The following SAMMSON variants were observed in gnomAD, a reference collection of about 807,000 sequenced individuals.
SAMMSON encodes survival associated mitochondrial melanoma specific oncogenic non-coding RNA.
chr3:70,151,853 G>T (rs963789248), intron 4 of SAMMSON, among the ~76,000 whole-genome samples: 1 of 151,712 alleles, frequency 6.6e-6, no homozygotes, highest in Non-Finnish European at 1.5e-5. Flanking sequence ...TAAGTGAATT[G>T]TTTCTCAATC....
intron 8 of SAMMSON, among the ~76,000 whole-genome samples, chr3:70,356,092 T>A (rs114962648): frequency 5.4e-4 from 83 of 152,310 alleles, no homozygotes; most frequent in African/African-American, 1.9e-3. Context: ...AACACTTGAT[T>A]ACTGATCTAA....
At chr3:70,404,805 A>C (rs1241097156) in intron 2 of SAMMSON, among the ~76,000 whole-genome samples, 1 of 152,178 alleles carries the variant, frequency 6.6e-6, no homozygotes, top group Non-Finnish European at 1.5e-5. Flanking sequence ...ACTGCAAAGC[A>C]CAACAATCTC....
chr3:70,084,106 C>T (rs1168710830), intron 4 of SAMMSON, among the ~76,000 whole-genome samples: 1 of 152,182 alleles, frequency 6.6e-6, no homozygotes, highest in East Asian at 1.9e-4. Flanking sequence ...ACTCTTCCAC[C>T]TTGACACTTT....
At chr3:70,058,267 A>G (rs144631757) in intron 3 of SAMMSON, among the ~76,000 whole-genome samples, 52 of 152,096 alleles carry the variant, frequency 3.4e-4, no homozygotes, top group African/African-American at 1.2e-3. Context: ...GCCATCATGA[A>G]TTAGAATGGG....
intron 4 of SAMMSON, among the ~76,000 whole-genome samples, chr3:70,181,418 G>A (rs974662402): frequency 1.3e-5 from 2 of 152,196 alleles, no homozygotes; most frequent in Non-Finnish European, 2.9e-5. Context: ...CTTTTGGAGA[G>A]GGATGTGGCC....
chr3:70,270,243 C>A (rs1701963901), intron 6 of SAMMSON, among the ~76,000 whole-genome samples: 2 of 152,140 alleles, frequency 1.3e-5, no homozygotes, highest in South Asian at 4.1e-4. Flanking sequence ...CAAATGAGTT[C>A]TTTCAAGTTT....
intron 2 of SAMMSON, among the ~76,000 whole-genome samples, chr3:70,397,701 A>G (rs1559580611): frequency 2.0e-5 from 3 of 152,142 alleles, no homozygotes; most frequent in African/African-American, 7.2e-5. Context: ...AAGTAAAATT[A>G]CTAGATCAAA....
intron 4 of SAMMSON, among the ~76,000 whole-genome samples, chr3:70,189,595 G>A (rs1415715014): frequency 2.0e-5 from 3 of 152,140 alleles, no homozygotes; most frequent in Non-Finnish European, 2.9e-5. Flanking sequence ...ATTGTAAATA[G>A]CAAGAGGCAG....
chr3:70,013,061 T>A (rs1480177942), intron 2 of SAMMSON, among the ~76,000 whole-genome samples: 1 of 152,168 alleles, frequency 6.6e-6, no homozygotes, highest in Non-Finnish European at 1.5e-5. Context: ...TTAATTTTGG[T>A]TTTCCTATTT....
chr3:70,123,507 C>A (rs995470497), intron 4 of SAMMSON, among the ~76,000 whole-genome samples: 2 of 152,178 alleles, frequency 1.3e-5, no homozygotes, highest in East Asian at 3.9e-4. Flanking sequence ...TGAGCTGAAG[C>A]GATCCACTTG....
chr3:70,126,202 G>T, intron 4 of SAMMSON: 3 of 1,080,792 alleles, frequency 2.8e-6, no homozygotes, highest in Non-Finnish European at 4.1e-6. Flanking sequence ...ATTTTCTACT[G>T]TTAAATAACC....
intron 1 of SAMMSON, among the ~76,000 whole-genome samples, chr3:70,011,004 A>G (rs1203300526): frequency 1.3e-5 from 2 of 152,096 alleles, no homozygotes; most frequent in Non-Finnish European, 2.9e-5. Flanking sequence ...ACCTTGACTC[A>G]TGGGGATTGT....
At position 70,356,202 on chromosome 3, in the gene SAMMSON, A is replaced by T. The variant is rs2106737403; in HGVS notation, n.842+1925A>T. On this transcript the variant is annotated intron_variant and non_coding_transcript_variant, in intron 8 of 9. Transcript: ENST00000642114. ...CCTTCATTAACTTTTTTACAAAATCATTGGCTTTTTATAGATTATAAAATA... is the reference window on the plus strand; with the variant it reads ...CCTTCATTAACTTTTTTACAAAATCTTTGGCTTTTTATAGATTATAAAATA... Among the ~76,000 whole-genome samples the T allele has an allele frequency of 2.0e-5, 3 of 152,272 alleles. 1 individual carries two copies. In the Middle Eastern group the frequency reaches 0.01, roughly 518 times the overall value.
At chr3:70,378,642 T>A (rs1262232881) in intron 9 of SAMMSON, among the ~76,000 whole-genome samples, 5 of 152,118 alleles carry the variant, frequency 3.3e-5, no homozygotes, top group Non-Finnish European at 7.4e-5. Context: ...ATTGAAGGGT[T>A]CCTGATATAA....
At chr3:70,395,793 T>C (rs1316528378) in intron 2 of SAMMSON, among the ~76,000 whole-genome samples, 1 of 152,076 alleles carries the variant, frequency 6.6e-6, no homozygotes, top group Non-Finnish European at 1.5e-5. Flanking sequence ...TAGGAGTCAA[T>C]GCTCTAAGTT....
At chr3:70,227,966 A>G (rs1030515334) in intron 4 of SAMMSON, among the ~76,000 whole-genome samples, 7 of 151,804 alleles carry the variant, frequency 4.6e-5, no homozygotes, top group Admixed American at 1.3e-4. Flanking sequence ...TATAACATTC[A>G]TAGTAAGTAT....
rs541332083 is a variant in SAMMSON, at chr3:70,355,652, A to T, written n.842+1375A>T. On this transcript the variant is annotated intron_variant and non_coding_transcript_variant, in intron 8 of 9. Transcript: ENST00000642114. ...TTTGGAGTGAGCTAAAAGTATCTTT[A>T]AAAAAGAGAAGAAAGAAAATAGACG... Among the ~76,000 whole-genome samples, 606 of 152,300 alleles carry T rather than the reference A, an allele frequency of 4.0e-3. 3 individuals carry two copies. Among genetic ancestry groups the T allele is most frequent in the Non-Finnish European group, 6.6e-3 (450 of 68,014 alleles).
chr3:70,232,270 CTGT>C (rs1216602410), intron 4 of SAMMSON, among the ~76,000 whole-genome samples: 1 of 152,202 alleles, frequency 6.6e-6, no homozygotes, highest in Non-Finnish European at 1.5e-5. Flanking sequence ...ATTATTACTA[CTGT>C]TATTATAAGG....
At chr3:70,142,825 C>T (rs2067533238) in intron 4 of SAMMSON, among the ~76,000 whole-genome samples, 1 of 152,076 alleles carries the variant, frequency 6.6e-6, no homozygotes, top group Non-Finnish European at 1.5e-5. Flanking sequence ...GAGCTCCTGC[C>T]CCAGCCAAAT....
Sources: allele counts gnomAD v4.1 joint callset (sites outside exome capture counted in the v4.1 genomes callset), GRCh38; gene constraint gnomAD v4.1.1; transcripts MANE v1.5; gene names NCBI Gene and HGNC (gene_info 2026-07-23, HGNC 2026-07-21).